SLC10A7: variants seen among roughly 807,000 people sequenced by gnomAD.
The protein encoded by SLC10A7 is solute carrier family 10 member 7.
A neutral mutation model predicts 43.2 loss-of-function variants in SLC10A7; 29 were observed. That is an observed-to-expected ratio of 0.67 (90% CI 0.50 to 0.92). The LOEUF (loss-of-function observed/expected upper bound fraction) is 0.92. Among genes scored for constraint, SLC10A7 ranks in the 40% least tolerant of loss-of-function variants. The pLI is 0.00. For missense variants in SLC10A7, 295 were observed against 403.2 expected, an observed-to-expected ratio of 0.73 and a Z score of 2.30; for synonymous variants, 152 against 144.8, an observed-to-expected ratio of 1.05 and a Z score of -0.35.
intron 10 of SLC10A7, among the ~76,000 whole-genome samples, chr4:146,281,820 C>T (rs561283200): frequency 1.3e-5 from 2 of 152,220 alleles, no homozygotes; most frequent in South Asian, 2.1e-4. Flanking sequence ...AATAGCTACA[C>T]CTTATAGAGT....
intron 5 of SLC10A7, among the ~76,000 whole-genome samples, chr4:146,352,851 A>G (rs1735235927): frequency 6.9e-6 from 1 of 144,526 alleles, no homozygotes; most frequent in African/African-American, 2.7e-5. Context: ...GAACAAAGAC[A>G]CCACATACCA....
At chr4:146,364,787 T>C (rs1056711328) in intron 5 of SLC10A7, among the ~76,000 whole-genome samples, 1 of 152,110 alleles carries the variant, frequency 6.6e-6, no homozygotes, top group Non-Finnish European at 1.5e-5. Flanking sequence ...AATTGGGATG[T>C]TCCTAACACA....
chr4:146,371,145 C>T (rs972032170), intron 5 of SLC10A7, among the ~76,000 whole-genome samples: 9 of 152,248 alleles, frequency 5.9e-5, no homozygotes, highest in South Asian at 2.1e-4. Context: ...GATATGTACT[C>T]TGATATGACA....
chr4:146,398,288 T>A (rs966136843), intron 5 of SLC10A7, among the ~76,000 whole-genome samples: 1 of 152,210 alleles, frequency 6.6e-6, no homozygotes, highest in African/African-American at 2.4e-5. Context: ...AATAATTACA[T>A]ACACTCGTAT....
intron 4 of SLC10A7, among the ~76,000 whole-genome samples, chr4:146,462,787 C>T (rs570791663): frequency 1.2e-4 from 18 of 152,190 alleles, no homozygotes; most frequent in Admixed American, 3.3e-4. Flanking sequence ...AGCTGAACAA[C>T]GGTGTGTAAG....
At chr4:146,363,382 A>AAC (rs1736183889) in intron 5 of SLC10A7, among the ~76,000 whole-genome samples, 2 of 151,994 alleles carry the variant, frequency 1.3e-5, no homozygotes, top group Non-Finnish European at 2.9e-5. Context: ...ATTAGAGCTA[A>AAC]AGAGAGAGAG....
intron 5 of SLC10A7, among the ~76,000 whole-genome samples, chr4:146,331,272 T>C (rs1192369335): frequency 6.6e-6 from 1 of 152,190 alleles, no homozygotes. Flanking sequence ...CCCTTTAATG[T>C]CATCTTGGAG....
intron 6 of SLC10A7, among the ~76,000 whole-genome samples, chr4:146,321,657 G>C (rs1475307068): frequency 6.6e-6 from 1 of 152,038 alleles, no homozygotes; most frequent in East Asian, 1.9e-4. Context: ...GGAAGGTCTT[G>C]AACTCCTGGG....
rs775061906 is a variant in SLC10A7 at position 146,292,935 on chromosome 4, G to A, written c.767C>T (p.Ser256Leu). 6.3e-7 allele frequency: 1 copy of A among 1,588,038 alleles called. No homozygotes were observed. Among genetic ancestry groups the A allele is most frequent in the South Asian group, 1.1e-5 (1 of 88,434 alleles). ...LSFMLLTFIF[S>L]TRNNSGFTPA... is the part of the protein sequence containing the mutation. ...GAGATACCAAATCACTTACCTTGTT[G>A]AAAAGATGAAAGTTAAAAGCATAAA... The change falls in exon 9 of 12, where the codon TCA becomes TTA. Residue 256 changes from serine to leucine, a missense_variant. By Grantham distance (145) the Ser-to-Leu change is moderately radical (BLOSUM62 -2). Around this residue, in one of 2 missense-constraint regions of SLC10A7, gnomAD observed 242 missense variants for 362.5 expected, o/e 0.67. Transcript: ENST00000335472.
intron 7 of SLC10A7, among the ~76,000 whole-genome samples, chr4:146,301,008 A>G (rs1255474303): frequency 6.6e-6 from 1 of 152,204 alleles, no homozygotes; most frequent in Non-Finnish European, 1.5e-5. Context: ...TATAAATAGT[A>G]ACCTATGGAG....
chr4:146,512,316 T>C (rs1008662365), intron 2 of SLC10A7, among the ~76,000 whole-genome samples: 7 of 152,306 alleles, frequency 4.6e-5, no homozygotes, highest in Admixed American at 1.3e-4. Context: ...ATAACTTTTC[T>C]GAAAATTAAT....
intron 6 of SLC10A7, among the ~76,000 whole-genome samples, chr4:146,316,135 C>A (rs1158355387): frequency 6.6e-6 from 1 of 151,998 alleles, no homozygotes; most frequent in Non-Finnish European, 1.5e-5. Context: ...TAAAGCTGGA[C>A]AAGGCGTTAA....
At chr4:146,287,031 T>TGTGTTTG (rs1730052330) in intron 9 of SLC10A7, among the ~76,000 whole-genome samples, 1 of 143,134 alleles carries the variant, frequency 7.0e-6, no homozygotes, top group Non-Finnish European at 1.6e-5. Context: ...TGAGAAGGAC[T>TGTGTTTG]GAGTTTAGAG....
chr4:146,321,414 G>C (rs1363487102), intron 6 of SLC10A7, among the ~76,000 whole-genome samples: 4 of 151,960 alleles, frequency 2.6e-5, no homozygotes, highest in Admixed American at 2.0e-4. Flanking sequence ...AATCTTATTT[G>C]ATTCAGGGCC....
At chr4:146,278,391 A>C (rs1298752260) in intron 10 of SLC10A7, among the ~76,000 whole-genome samples, 7 of 152,158 alleles carry the variant, frequency 4.6e-5, no homozygotes, top group Non-Finnish European at 1.0e-4. Context: ...TTTGTATTTC[A>C]AATCAATTTC....
At position 146,443,695 on chromosome 4, in the gene SLC10A7, G is replaced by C. The variant is rs773197903; in HGVS notation, c.397-874C>G. Among the ~76,000 whole-genome samples, 64 of 152,242 alleles carry C rather than the reference G, an allele frequency of 4.2e-4. 1 individual carries two copies. Among genetic ancestry groups the C allele is most frequent in the Non-Finnish European group, 1.9e-4 (13 of 68,044 alleles). ...ATTAGCAGCCACACTGTAGTAAAAA[G>C]AGGATGTCAGTTTAGTAAGTTTGAA... On this transcript the variant is annotated intron_variant, in intron 4 of 11. Coordinates refer to ENST00000335472, the MANE Select transcript of SLC10A7 (RefSeq NM_001029998.6).
rs571670614 is a variant in SLC10A7 at position 146,339,111 on chromosome 4, C to T, written c.436-13115G>A. 2.0e-5 allele frequency among the ~76,000 whole-genome samples: 3 copies of T among 152,008 alleles called. No individual in the cohort carries two copies. The South Asian group carries it at 6.2e-4, about 32-fold the overall frequency. ...GTAGGCTCCTGGATGTTAAAATAAA[C>T]TTCTAAAATAATCAAAAACTGATTC... is the stretch of plus-strand genomic sequence containing the variant. On this transcript the variant is annotated intron_variant, in intron 5 of 11. Coordinates refer to ENST00000335472, the MANE Select transcript of SLC10A7 (RefSeq NM_001029998.6).
At chr4:146,269,378 C>T (rs1008025871) in intron 10 of SLC10A7, among the ~76,000 whole-genome samples, 1 of 152,186 alleles carries the variant, frequency 6.6e-6, no homozygotes, top group Non-Finnish European at 1.5e-5. Flanking sequence ...AGTCTTCGTT[C>T]CAATACTAGC....
At chr4:146,510,998 C>A (rs1336632068) in intron 2 of SLC10A7, among the ~76,000 whole-genome samples, 1 of 152,184 alleles carries the variant, frequency 6.6e-6, no homozygotes, top group African/African-American at 2.4e-5. Context: ...CATGTTATCT[C>A]ACTTAATCCT....
Sources: gnomAD v4.1 joint callset for allele counts (sites outside exome capture counted in the v4.1 genomes callset) on GRCh38, gnomAD v4.1.1 for gene constraint, gnomAD v4.1.1 regional missense constraint, MANE v1.5 for transcripts, NCBI Gene and HGNC (gene_info 2026-07-23, HGNC 2026-07-21) for gene names.